ATP11C: variants seen among roughly 807,000 people sequenced by gnomAD.
ATP11C encodes ATPase phospholipid transporting 11C (ATP11C blood group), also known as phospholipid-transporting ATPase IG.
A neutral mutation model predicts 97.4 loss-of-function variants in ATP11C; 36 were observed. The ratio of observed to expected loss-of-function variants is 0.37; its 90% CI spans 0.28 to 0.49. ATP11C has a LOEUF of 0.49. Among genes scored for constraint, ATP11C ranks in the 20% least tolerant of loss-of-function variants. ATP11C has a pLI of 0.98. For synonymous variants in ATP11C, 275 were observed against 290.9 expected (o/e 0.95, Z 0.56); for missense variants, 730 against 824.6 (o/e 0.89, Z 1.40).
intron 1 of ATP11C, among the ~76,000 whole-genome samples, chrX:139,905,742 A>T (rs1211036207): frequency 8.9e-6 from 1 of 112,035 alleles, no homozygotes; most frequent in East Asian, 2.8e-4. Flanking sequence ...GCAGCAATCA[A>T]ATATAATTAA....
intron 19 of ATP11C, among the ~76,000 whole-genome samples, chrX:139,774,348 C>T (rs1414964283): frequency 8.9e-6 from 1 of 112,351 alleles, no homozygotes; most frequent in Non-Finnish European, 1.9e-5. Flanking sequence ...GATTTTATTA[C>T]ATTCAATTTA....
intron 2 of ATP11C, among the ~76,000 whole-genome samples, chrX:139,825,194 A>G (rs372177390): frequency 5.0e-4 from 56 of 111,191 alleles, no homozygotes; most frequent in Non-Finnish European, 4.5e-4. Context: ...AAGAGGAGAG[A>G]AAAAAAATGA....
At chrX:139,744,983 T>C (rs948602181) in intron 25 of ATP11C, among the ~76,000 whole-genome samples, 8 of 111,582 alleles carry the variant, frequency 7.2e-5, no homozygotes, top group Non-Finnish European at 9.4e-5. Flanking sequence ...TTTTGAACCT[T>C]AGCTTTCCTT....
At chrX:139,914,093 AT>A in intron 1 of ATP11C, among the ~76,000 whole-genome samples, 1 of 112,095 alleles carries the variant, frequency 8.9e-6, no homozygotes, top group Non-Finnish European at 1.9e-5. Flanking sequence ...TAACTTAGAT[AT>A]ATATCATCCC....
chrX:139,744,004 T>C (rs2081625865), intron 25 of ATP11C, among the ~76,000 whole-genome samples: 1 of 111,886 alleles, frequency 8.9e-6, no homozygotes, highest in Non-Finnish European at 1.9e-5. Context: ...TCCTATAATA[T>C]AGAACTAAAC....
intron 11 of ATP11C, among the ~76,000 whole-genome samples, chrX:139,796,910 A>G (rs961963108): frequency 9.0e-6 from 1 of 110,542 alleles, no homozygotes; most frequent in Non-Finnish European, 1.9e-5. Flanking sequence ...AGATGCCTAA[A>G]GTAAAAGAAA....
intron 1 of ATP11C, among the ~76,000 whole-genome samples, chrX:139,892,257 G>A (rs1290830659): frequency 8.9e-6 from 1 of 111,783 alleles, no homozygotes; most frequent in East Asian, 2.8e-4. Flanking sequence ...AAAAAGTACA[G>A]AATGTCAGGT....
Position 139,857,161 on chromosome X carries a change from G to A in ATP11C, c.28-30338C>T, listed in dbSNP as rs139387688. On this transcript the variant is annotated intron_variant, in intron 1 of 29. Transcript: ENST00000682941. ...GGGTGCTGTGTCATACCATGCACCC[G>A]TAAGTTGATGCAGAGGCTCATAAAA... Among the ~76,000 whole-genome samples the A allele has an allele frequency of 5.5e-3, 614 of 111,612 alleles. 10 individuals carry two copies. Among genetic ancestry groups the A allele is most frequent in the African/African-American group, 0.018 (565 of 30,744 alleles).
In ATP11C at chrX:139,899,221, T is replaced by C. The variant is rs1177321316; in HGVS notation, c.27+32795A>G. ...TGGGGCCGGATGCAATGGCTCAAGC[T>C]TATAATCCCAGCACTTTGGGAGGCC... On this transcript the variant is annotated intron_variant, in intron 1 of 29. Transcript: ENST00000682941. Among the ~76,000 whole-genome samples, 4 of 111,020 alleles carry C rather than the reference T, an allele frequency of 3.6e-5. No homozygotes were observed. The East Asian group carries it at 1.1e-3, about 31-fold the overall frequency.
At chrX:139,811,205 C>A (rs772134066) in intron 5 of ATP11C, among the ~76,000 whole-genome samples, 1 of 111,560 alleles carries the variant, frequency 9.0e-6, no homozygotes, top group South Asian at 3.8e-4. Flanking sequence ...AGTGTCTTCA[C>A]AATGGAATTC....
At position 139,796,476 on chromosome X, in the gene ATP11C, AT is replaced by A. The variant is rs767684042; in HGVS notation, c.1009-7del. 1 of 1,097,124 alleles carries A rather than the reference AT, an allele frequency of 9.1e-7. No individual in the cohort carries two copies. Among genetic ancestry groups the A allele is most frequent in the East Asian group, 3.0e-5 (1 of 33,247 alleles). 90.4% of individuals were successfully genotyped at this position (1,097,124 alleles called of 1,213,427 possible). Reference sequence around the variant, plus strand: ...TCGGTGAACATTTTTAAAACCTAAAATAAAAGAGATAGTTCATGCTAATTAG... The same window carrying A: ...TCGGTGAACATTTTTAAAACCTAAAAAAAAGAGATAGTTCATGCTAATTAG... On this transcript the variant is annotated splice_region_variant and splice_polypyrimidine_tract_variant and intron_variant, in intron 11 of 29. Transcript: ENST00000682941.
At chrX:139,794,054 A>G (rs2082744908) in intron 12 of ATP11C, among the ~76,000 whole-genome samples, 1 of 112,198 alleles carries the variant, frequency 8.9e-6, no homozygotes, top group Non-Finnish European at 1.9e-5. Flanking sequence ...GACACAAAGA[A>G]GAGTAGCCCC....
intron 18 of ATP11C, among the ~76,000 whole-genome samples, chrX:139,775,910 T>A (rs1212556680): frequency 2.7e-5 from 3 of 112,577 alleles, no homozygotes; most frequent in Admixed American, 1.9e-4. Flanking sequence ...TCAGATTCCC[T>A]GCAAATATAC....
intron 22 of ATP11C, 123 bp downstream of exon 22, chrX:139,761,838 G>T: frequency 4.1e-6 from 2 of 490,753 alleles, no homozygotes; most frequent in Non-Finnish European, 6.0e-6. Context: ...TTTGTTGACT[G>T]CAAATTTCAG....
At chrX:139,793,569 C>T (rs764795380) in intron 12 of ATP11C, among the ~76,000 whole-genome samples, 80 of 111,463 alleles carry the variant, frequency 7.2e-4, no homozygotes, top group Non-Finnish European at 1.3e-3. Flanking sequence ...CTTAATGGAA[C>T]ACTTGGACTC....
At chrX:139,737,346 A>T (rs1022651986) in intron 28 of ATP11C, among the ~76,000 whole-genome samples, 9 of 111,740 alleles carry the variant, frequency 8.1e-5, no homozygotes, top group African/African-American at 2.9e-4. Context: ...ACACACTCAT[A>T]AAACTATCTT....
intron 1 of ATP11C, among the ~76,000 whole-genome samples, chrX:139,844,403 T>C (rs1319114600): frequency 8.9e-6 from 1 of 112,107 alleles, no homozygotes; most frequent in African/African-American, 3.2e-5. Context: ...AACTGTGTCA[T>C]ACCACGTGGC....
chrX:139,803,685 C>CTTTTTTTTTTTTTTTTTTTTTTTTTTT (rs140315105), intron 6 of ATP11C, among the ~76,000 whole-genome samples: 1 of 38,265 alleles, frequency 2.6e-5, no homozygotes, highest in African/African-American at 1.0e-4. Flanking sequence ...TACACCCTAT[C>CTTTTTTTTTTTTTTTTTTTTTTTTTTT]TTTTTTTTTT....
intron 18 of ATP11C, among the ~76,000 whole-genome samples, chrX:139,775,450 G>A (rs1330844494): frequency 8.9e-6 from 1 of 111,993 alleles, no homozygotes; most frequent in Non-Finnish European, 1.9e-5. Flanking sequence ...AATGCCAGTT[G>A]TCCTCATAAA....
Sources: allele counts gnomAD v4.1 joint callset (sites outside exome capture counted in the v4.1 genomes callset), GRCh38; gene constraint gnomAD v4.1.1; transcripts MANE v1.5; gene names NCBI Gene and HGNC (gene_info 2026-07-23, HGNC 2026-07-21).